The following NDUFAF6 variants were observed in gnomAD, a reference collection of about 807,000 sequenced individuals.
The protein encoded by NDUFAF6 is NADH:ubiquinone oxidoreductase complex assembly factor 6.
NDUFAF6 carries 45 observed loss-of-function variants against 40.8 expected under a neutral mutation model. That is an observed-to-expected ratio of 1.10 (90% CI 0.87 to 1.42). NDUFAF6 has a LOEUF of 1.42. Among genes scored for constraint, NDUFAF6 ranks in the 40% most tolerant of loss-of-function variants. The probability of loss-of-function intolerance (pLI) is 0.00; values close to 1 mark genes in which losing one functional copy is unlikely to be tolerated. For missense variants in NDUFAF6, 435 were observed against 418.5 expected, an observed-to-expected ratio of 1.04 and a Z score of -0.34; for synonymous variants, 185 against 155.9, an observed-to-expected ratio of 1.19 and a Z score of -1.39.
intron 1 of NDUFAF6, among the ~76,000 whole-genome samples, chr8:94,943,341 T>G (rs1457148288): frequency 6.6e-6 from 1 of 152,086 alleles, no homozygotes; most frequent in African/African-American, 2.4e-5. Flanking sequence ...TTTAAAAAAT[T>G]AGCCAGGTAC....
chr8:94,935,251 G>C (rs1820870544), intron 1 of NDUFAF6, among the ~76,000 whole-genome samples: 1 of 152,090 alleles, frequency 6.6e-6, no homozygotes, highest in Non-Finnish European at 1.5e-5. Context: ...ACTGCTCCAA[G>C]GATCCAAATC....
intron 1 of NDUFAF6, among the ~76,000 whole-genome samples, chr8:94,961,927 A>C (rs1195916038): frequency 6.6e-6 from 1 of 152,188 alleles, no homozygotes; most frequent in Non-Finnish European, 1.5e-5. Context: ...ACAGATTGCC[A>C]GGGCCCGTCT....
At chr8:95,085,187 A>G (rs185846525) in intron 2 of NDUFAF6, among the ~76,000 whole-genome samples, 14 of 152,228 alleles carry the variant, frequency 9.2e-5, no homozygotes, top group African/African-American at 3.1e-4. Context: ...AACAGGATCC[A>G]GGGTCGGTTT....
At chr8:95,116,302 G>A (rs933019447) in exon 6 of NDUFAF6, 1 of 147,180 alleles carries the variant, frequency 6.8e-6, no homozygotes, top group African/African-American at 2.5e-5. Flanking sequence ...CTTCAGCCAT[G>A]ATCACTGGGG....
At chr8:94,914,647 G>A (rs1479056519) in intron 1 of NDUFAF6, among the ~76,000 whole-genome samples, 1 of 152,158 alleles carries the variant, frequency 6.6e-6, no homozygotes, top group Non-Finnish European at 1.5e-5. Context: ...GTTCTTGGCT[G>A]GGCACGGTGG....
chr8:94,931,603 C>CAT (rs1475614740), intron 1 of NDUFAF6, among the ~76,000 whole-genome samples: 15 of 40,722 alleles, frequency 3.7e-4, no homozygotes, highest in East Asian at 3.6e-3. Context: ...CACACACACA[C>CAT]ACACACATAA....
chr8:95,101,696 A>G (rs528029986), intron 2 of NDUFAF6, among the ~76,000 whole-genome samples: 1 of 152,242 alleles, frequency 6.6e-6, no homozygotes, highest in South Asian at 2.1e-4. Flanking sequence ...GACTCTTCCT[A>G]GGTAAACATT....
chr8:95,045,462 G>A (rs958504224), intron 4 of NDUFAF6, 83 bp from the exon 5 acceptor site: 2 of 914,236 alleles, frequency 2.2e-6, no homozygotes, highest in African/African-American at 3.3e-5. Flanking sequence ...TCGTTATTCA[G>A]TTCTTTGGGG....
intron 2 of NDUFAF6, among the ~76,000 whole-genome samples, chr8:95,012,873 T>C (rs1252935627): frequency 6.6e-6 from 1 of 151,930 alleles, no homozygotes; most frequent in Non-Finnish European, 1.5e-5. Flanking sequence ...ACTATGTAAC[T>C]CCATAGATGG....
At chr8:94,995,102 A>G (rs963852317) in intron 2 of NDUFAF6, among the ~76,000 whole-genome samples, 1 of 152,244 alleles carries the variant, frequency 6.6e-6, no homozygotes, top group African/African-American at 2.4e-5. Context: ...GTGAATGGAT[A>G]AACAAAATGT....
At chr8:94,908,788 A>G (rs971828969) in intron 1 of NDUFAF6, among the ~76,000 whole-genome samples, 9 of 152,246 alleles carry the variant, frequency 5.9e-5, no homozygotes, top group African/African-American at 1.9e-4. Context: ...CTGAGGAATA[A>G]GACTCAGAGG....
intron 8 of NDUFAF6, among the ~76,000 whole-genome samples, chr8:95,056,037 G>A (rs1832079062): frequency 6.6e-6 from 1 of 151,986 alleles, no homozygotes; most frequent in African/African-American, 2.4e-5. Context: ...ATATTGCTTA[G>A]TTTTGTTTTT....
rs1306475459 is a variant in NDUFAF6 at position 95,041,627 on chromosome 8, G to A, written c.477+1G>A. The stretch of plus-strand genomic sequence containing the variant: ...GCTTATGAAAATCGTCGATGAAAGA[G>A]TGAGTCAAAATTGTTCAAGTCTTAA... On this transcript the variant is annotated splice_donor_variant, in intron 4 of 8. Transcript: ENST00000396124. LOFTEE classifies it high-confidence loss of function. The A allele has an allele frequency of 1.2e-6, 2 of 1,610,726 alleles. No homozygotes were observed. The highest frequency in any genetic ancestry group is 2.2e-5 in the East Asian group (1 of 44,768).
intron 2 of NDUFAF6, among the ~76,000 whole-genome samples, chr8:94,999,825 C>T (rs1826635238): frequency 6.6e-6 from 1 of 152,208 alleles, no homozygotes; most frequent in African/African-American, 2.4e-5. Flanking sequence ...ATTGTGTCTA[C>T]AGACACTAAT....
At chr8:94,996,771 G>T (rs1297506892) in intron 2 of NDUFAF6, among the ~76,000 whole-genome samples, 1 of 152,178 alleles carries the variant, frequency 6.6e-6, no homozygotes, top group Non-Finnish European at 1.5e-5. Context: ...CATCATTAGG[G>T]TGGGCCCTCA....
At chr8:95,029,531 ACCATTTAATCCACAGG>A (rs1828584898) in intron 1 of NDUFAF6, among the ~76,000 whole-genome samples, 1 of 152,230 alleles carries the variant, frequency 6.6e-6, no homozygotes. Flanking sequence ...ATCCAGTATT[ACCATTTAATCCACAGG>A]CCCCATTCAA....
intron 2 of NDUFAF6, among the ~76,000 whole-genome samples, chr8:94,998,379 T>TACAC (rs200968954): frequency 0.038 from 5,214 of 138,380 alleles, 103 homozygotes; most frequent in South Asian, 0.048. Flanking sequence ...TGCAATCAAA[T>TACAC]ACACACACAC....
At chr8:95,077,614 T>G (rs1048393818), downstream of NDUFAF6, among the ~76,000 whole-genome samples, 1 of 152,204 alleles carries the variant, frequency 6.6e-6, no homozygotes, top group Non-Finnish European at 1.5e-5. Flanking sequence ...TACTTTCAGA[T>G]GCAGGTGACC....
chr8:94,902,278 G>A lies in NDUFAF6; in HGVS notation c.-936+6351G>A, dbSNP rs187008632. On this transcript the variant is annotated intron_variant, in intron 1 of 14. Coordinates refer to the NDUFAF6 transcript ENST00000396113. ...AAAAACAAAAACAAAAATTAGCTTG[G>A]TGTGGTGACCCATGCCTGTAATTCC... Among the ~76,000 whole-genome samples the A allele has an allele frequency of 2.5e-3, 384 of 151,418 alleles. 4 individuals carry two copies. The highest frequency in any genetic ancestry group is 8.8e-3 in the African/African-American group (363 of 41,220).
Sources: gnomAD v4.1 joint callset for allele counts (sites outside exome capture counted in the v4.1 genomes callset) on GRCh38, gnomAD v4.1.1 for gene constraint, MANE v1.5 for transcripts, NCBI Gene and HGNC (gene_info 2026-07-23, HGNC 2026-07-21) for gene names.